The following CASZ1 variants were observed in gnomAD, a reference collection of about 807,000 sequenced individuals.
CASZ1 encodes zinc finger protein castor homolog 1.
In CASZ1, 28 loss-of-function variants were observed where a neutral mutation model predicts 135.2. That is an observed-to-expected ratio of 0.21 (90% CI 0.15 to 0.28). CASZ1 has a LOEUF of 0.28. CASZ1 is among the 10% of genes least tolerant of loss of function. The probability of loss-of-function intolerance (pLI) is 1.00; values close to 1 mark genes in which losing one functional copy is unlikely to be tolerated. For synonymous variants in CASZ1, 1,068 were observed against 1,073.4 expected, an observed-to-expected ratio of 0.99 and a Z score of 0.10; for missense variants, 2,161 against 2,453.3, an observed-to-expected ratio of 0.88 and a Z score of 2.52.
At chr1:10,662,184 A>G (rs1643058487) in intron 5 of CASZ1, among the ~76,000 whole-genome samples, 1 of 149,394 alleles carries the variant, frequency 6.7e-6, no homozygotes, top group Non-Finnish European at 1.5e-5. Flanking sequence ...ATGCATTCTC[A>G]TACACTCTCA....
At position 10,709,618 on chromosome 1, in the gene CASZ1, GA is replaced by G. The variant is rs1325411313; in HGVS notation, c.-76-4075del. Among the ~76,000 whole-genome samples, 2 of 152,184 alleles carry G rather than the reference GA, an allele frequency of 1.3e-5. No individual in the cohort carries two copies. The highest frequency in any genetic ancestry group is 6.5e-5 in the Admixed American group (1 of 15,286). Reference sequence around the variant, plus strand: ...AGTGAAAAAGAAAGAGAGAGCGGGAGAGGGGGAGAGAGAGAGAGGGAGAGAG... The same window carrying G: ...AGTGAAAAAGAAAGAGAGAGCGGGAGGGGGGAGAGAGAGAGAGGGAGAGAG... On this transcript the variant is annotated intron_variant, in intron 2 of 20. Coordinates refer to ENST00000377022, the MANE Select transcript of CASZ1 (RefSeq NM_001079843.3). The surrounding 1 kb of genome is among the most constrained non-coding windows in gnomAD (Gnocchi z 5.1).
intron 4 of CASZ1, among the ~76,000 whole-genome samples, chr1:10,677,044 T>TC (rs1234972742): frequency 1.3e-5 from 2 of 152,048 alleles, no homozygotes; most frequent in East Asian, 3.9e-4. Context: ...GCAGCTTTTC[T>TC]CCCCCTCTTT....
chr1:10,653,470 T>C lies in CASZ1; in HGVS notation c.2587A>G (p.Met863Val), dbSNP rs760277805. 4.3e-6 allele frequency: 7 copies of C among 1,613,202 alleles called. No individual in the cohort carries two copies. The highest frequency in any genetic ancestry group is 1.1e-5 in the South Asian group (1 of 91,084). ...CCCTTGCTTGCAGAGATCCTCTCCA[T>C]GATGGAGGCGGGTGGTGCCGGGACA... ...ASVPAPPASI[M>V]ERISASKGLI... The change falls in exon 11 of 21, where the codon ATG becomes GTG. Residue 863 changes from methionine to valine, a missense_variant. By Grantham distance (21) the Met-to-Val change is conservative (BLOSUM62 1). Transcript: ENST00000377022.
chr1:10,649,532 A>T, intron 13 of CASZ1, 95 bp from the exon 14 acceptor site: 1 of 1,379,820 alleles, frequency 7.2e-7, no homozygotes, highest in South Asian at 1.4e-5. Flanking sequence ...GGCTGCTGGG[A>T]CCCACCCAGC....
intron 4 of CASZ1, among the ~76,000 whole-genome samples, chr1:10,678,710 A>C (rs1638314733): frequency 6.6e-6 from 1 of 151,876 alleles, no homozygotes; most frequent in South Asian, 2.1e-4. Flanking sequence ...AAGTGACATA[A>C]ACGTCCCGAG....
chr1:10,702,666 C>T (rs917892242), intron 3 of CASZ1, among the ~76,000 whole-genome samples: 5 of 152,130 alleles, frequency 3.3e-5, no homozygotes, highest in South Asian at 2.1e-4. Context: ...AGAACCCCAT[C>T]GGTGGGTCCA....
Position 10,666,154 on chromosome 1 carries a change from C to G in CASZ1, c.17-583G>C, listed in dbSNP as rs1245227309. On this transcript the variant is annotated intron_variant, in intron 4 of 20. Coordinates refer to ENST00000377022, the MANE Select transcript of CASZ1 (RefSeq NM_001079843.3). This position sits in a 1 kb window ranked among gnomAD's most constrained non-coding sequence, Gnocchi z 5.2. The stretch of plus-strand genomic sequence containing the variant: ...TGGCTGGCACCCTCCCACCCGAGCA[C>G]GTCAGCCCCTGGCGGCTCCTCTGCC... Among the ~76,000 whole-genome samples the G allele has an allele frequency of 1.3e-5, 2 of 152,188 alleles. No homozygotes were observed. The highest frequency in any genetic ancestry group is 1.5e-5 in the Non-Finnish European group (1 of 68,022).
In CASZ1 at chr1:10,714,261, T is replaced by C. The variant is rs533223779; in HGVS notation, c.-76-8717A>G. Among the ~76,000 whole-genome samples the C allele has an allele frequency of 5.1e-4, 78 of 151,996 alleles. 1 individual carries two copies. Among genetic ancestry groups the C allele is most frequent in the African/African-American group, 1.8e-3 (75 of 41,436 alleles). On this transcript the variant is annotated intron_variant, in intron 2 of 20. Coordinates refer to ENST00000377022, the MANE Select transcript of CASZ1 (RefSeq NM_001079843.3). ...AGGTGGAGGTTGCAGTGAGCCGAGA[T>C]CGTGCCACTGCACTCCAGCCTGGGC...
rs938091498 is a variant in CASZ1, at chr1:10,653,721, C to A, written c.2336G>T (p.Gly779Val). Residue 779 changes from glycine (G) to valine (V), a missense_variant, in exon 11 of 21, where the codon GGC becomes GTC. Physicochemically the swap from Gly to Val is moderately radical, Grantham distance 109 (BLOSUM62 -3). This residue lies in a region of CASZ1 where 406 missense variants were observed against 387.6 expected (regional missense o/e 1.05). Coordinates refer to ENST00000377022, the MANE Select transcript of CASZ1 (RefSeq NM_001079843.3). ...NSKISGLLPQ[G>V]LPGSIPLALA... ...GGCCAGGGGGATTGAGCCAGGCAGG[C>A]CCTGGGGCAGCAGCCCCGAGATCTT... The A allele has an allele frequency of 1.2e-6, 2 of 1,603,144 alleles. No homozygotes were observed. Among genetic ancestry groups the A allele is most frequent in the South Asian group, 2.2e-5 (2 of 89,614 alleles).
intron 3 of CASZ1, among the ~76,000 whole-genome samples, chr1:10,702,720 C>T (rs1639088377): frequency 6.6e-6 from 1 of 152,158 alleles, no homozygotes; most frequent in South Asian, 2.1e-4. Flanking sequence ...CTGCCCCACC[C>T]CTGCCAGCGG....
At chr1:10,656,969 A>G (rs1000787671) in intron 7 of CASZ1, among the ~76,000 whole-genome samples, 1 of 152,154 alleles carries the variant, frequency 6.6e-6, no homozygotes, top group Non-Finnish European at 1.5e-5. Context: ...CAAAAGTCAA[A>G]GTAGGGGGAG....
At position 10,776,665 on chromosome 1, in the gene CASZ1, C is replaced by T. The variant is rs1033281827; in HGVS notation, c.-233-15808G>A. On this transcript the variant is annotated intron_variant, in intron 1 of 20. Coordinates refer to ENST00000377022, the MANE Select transcript of CASZ1 (RefSeq NM_001079843.3). The surrounding 1 kb of genome is among the most constrained non-coding windows in gnomAD (Gnocchi z 4.1). ...CTCCTGGGAGTCCTGGGGAAACTGG[C>T]ATCTCTGGTTTGACAGGTTGTGGGA... Among the ~76,000 whole-genome samples, 1 of 152,206 alleles carries T rather than the reference C, an allele frequency of 6.6e-6. No homozygotes were observed. The highest frequency in any genetic ancestry group is 2.4e-5 in the African/African-American group (1 of 41,448).
At chr1:10,644,292 C>G (rs1032432834) in intron 18 of CASZ1, among the ~76,000 whole-genome samples, 1 of 152,208 alleles carries the variant, frequency 6.6e-6, no homozygotes, top group Non-Finnish European at 1.5e-5. Context: ...ACGGCTACCT[C>G]TCAGGCATCA....
chr1:10,793,349 A>C (rs1223351253), intron 1 of CASZ1, among the ~76,000 whole-genome samples: 1 of 152,118 alleles, frequency 6.6e-6, no homozygotes, highest in Non-Finnish European at 1.5e-5. Flanking sequence ...CTTGCCACAA[A>C]GCGTAAGGCT....
At chr1:10,661,998 CACAT>C (rs1450435322) in intron 5 of CASZ1, among the ~76,000 whole-genome samples, 1 of 152,012 alleles carries the variant, frequency 6.6e-6, no homozygotes, top group East Asian at 1.9e-4. Flanking sequence ...TGCACACAAT[CACAT>C]ACAACACACA....
rs1299296416 is a variant in CASZ1, at chr1:10,794,732, T to C, written c.-234+1832A>G. On this transcript the variant is annotated intron_variant, in intron 1 of 20. Coordinates refer to ENST00000377022, the MANE Select transcript of CASZ1 (RefSeq NM_001079843.3). The surrounding 1 kb of genome is among the most constrained non-coding windows in gnomAD (Gnocchi z 5.6). ...GGAAGAAGAATCTGCGCCCACCCCT[T>C]AGAGAAAAATCTATTATTATTATCT... is the stretch of plus-strand genomic sequence containing the variant. Among the ~76,000 whole-genome samples, 1 of 152,160 alleles carries C rather than the reference T, an allele frequency of 6.6e-6. No homozygotes were observed. Among genetic ancestry groups the C allele is most frequent in the African/African-American group, 2.4e-5 (1 of 41,422 alleles).
intron 11 of CASZ1, chr1:10,651,669 G>A (rs1482507502): frequency 1.3e-5 from 2 of 152,394 alleles, no homozygotes; most frequent in African/African-American, 4.8e-5. Flanking sequence ...CTGGGCGGGT[G>A]AGGCCGCAGG....
Position 10,662,077 on chromosome 1 carries a change from TCA to T in CASZ1, c.506-1543_506-1542del, listed in dbSNP as rs1222489602. 5.6e-5 allele frequency among the ~76,000 whole-genome samples: 8 copies of T among 142,834 alleles called. No homozygotes were observed. In the East Asian group the frequency reaches 1.7e-3, roughly 30 times the overall value. The allele number at this position is 142,834 out of a possible 152,430, so 93.7% of individuals were successfully genotyped here. ...AATCACCTATAACACACACGCATTCTCACACACACCCTACACAGTTACATGCA... is the reference window on the plus strand; with the variant it reads ...AATCACCTATAACACACACGCATTCTCACACACCCTACACAGTTACATGCA... On this transcript the variant is annotated intron_variant, in intron 5 of 20. Coordinates refer to ENST00000377022, the MANE Select transcript of CASZ1 (RefSeq NM_001079843.3).
chr1:10,678,178 G>A (rs916552441), intron 4 of CASZ1, among the ~76,000 whole-genome samples: 1 of 152,192 alleles, frequency 6.6e-6, no homozygotes, highest in Non-Finnish European at 1.5e-5. Context: ...GAGGAACACG[G>A]GGTGGCACAC....
Sources: allele counts gnomAD v4.1 joint callset (sites outside exome capture counted in the v4.1 genomes callset), GRCh38; gene constraint gnomAD v4.1.1; regional missense constraint gnomAD v4.1.1; non-coding constraint Gnocchi (gnomAD v3.1); transcripts MANE v1.5; gene names NCBI Gene and HGNC (gene_info 2026-07-23, HGNC 2026-07-21).